NXPE2: variants seen among roughly 807,000 people sequenced by gnomAD.
NXPE2 encodes the protein neurexophilin and PC-esterase domain family member 2.
Under a neutral mutation model 34.4 loss-of-function variants are expected in NXPE2, and 34 were observed. The observed-to-expected ratio is 0.99, with a 90% CI of 0.75 to 1.31. The LOEUF is 1.31. Ranked by LOEUF, NXPE2 falls within the 40% of genes most tolerant of loss-of-function variation. NXPE2 has a pLI of 0.00. For synonymous variants in NXPE2, 235 were observed against 231.3 expected, an observed-to-expected ratio of 1.02 and a Z score of -0.15; for missense variants, 649 against 672.5, an observed-to-expected ratio of 0.97 and a Z score of 0.39.
the NXPE2 span, among the ~76,000 whole-genome samples, chr11:114,474,471 T>C: frequency 6.6e-6 from 1 of 152,296 alleles, no homozygotes; most frequent in African/African-American, 2.4e-5. Flanking sequence ...GGGTGGTGTT[T>C]AGAAGTCAGT....
chr11:114,535,824 A>G, the NXPE2 span, among the ~76,000 whole-genome samples: 1 of 152,152 alleles, frequency 6.6e-6, no homozygotes, highest in African/African-American at 2.4e-5. Context: ...CTCCGACACA[A>G]TAATAATGGG....
At chr11:114,776,217 C>T in the NXPE2 span, among the ~76,000 whole-genome samples, 1 of 152,216 alleles carries the variant, frequency 6.6e-6, no homozygotes, top group Non-Finnish European at 1.5e-5. Flanking sequence ...TCCAGCGGCC[C>T]CCGTGTCCGG....
the NXPE2 span, among the ~76,000 whole-genome samples, chr11:114,759,121 C>G: frequency 6.6e-6 from 1 of 152,158 alleles, no homozygotes; most frequent in Non-Finnish European, 1.5e-5. Flanking sequence ...CTCTCTGTCT[C>G]TTTCTCTCTC....
At position 114,698,706 on chromosome 11, in the gene NXPE2, C is replaced by G. The variant is rs981634171; in HGVS notation, c.794C>G (p.Ala265Gly). ...AGGCCTCAACATATGCCCTGTGAGG[C>G]CTTGACCCACATGACCACTAGGACA... is the stretch of plus-strand genomic sequence containing the variant. ...CVRPQHMPCE[A>G]LTHMTTRTRN... The change falls in exon 3 of 6, where the codon GCC becomes GGC. Residue 265 changes from alanine (A) to glycine (G), a missense_variant. Transcript: ENST00000389586. 1.2e-6 allele frequency: 2 copies of G among 1,613,520 alleles called. No individual in the cohort carries two copies. Among genetic ancestry groups the G allele is most frequent in the Non-Finnish European group, 1.7e-6 (2 of 1,179,698 alleles).
chr11:114,706,386 T>C lies in NXPE2; in HGVS notation c.1145-9T>C. On this transcript the variant is annotated splice_polypyrimidine_tract_variant and intron_variant, in intron 5 of 5. Transcript: ENST00000389586. Reference sequence around the variant, plus strand: ...TTGTTAAAATATTTATTGATTTGTCTTTCATCAGCCCTAAAATATTTTGAT... The same window carrying C: ...TTGTTAAAATATTTATTGATTTGTCCTTCATCAGCCCTAAAATATTTTGAT... The C allele has an allele frequency of 2.0e-6, 3 of 1,510,244 alleles. No homozygotes were observed. The highest frequency in any genetic ancestry group is 2.7e-6 in the Non-Finnish European group (3 of 1,129,868). The allele number at this position is 1,510,244 out of a possible 1,614,324, so 93.6% of individuals were successfully genotyped here.
chr11:114,796,369 T>C, the NXPE2 span, among the ~76,000 whole-genome samples: 3 of 152,276 alleles, frequency 2.0e-5, no homozygotes, highest in East Asian at 1.9e-4. Context: ...CAAATATCCA[T>C]GGGAGGAGTA....
At chr11:114,811,889 T>A in the NXPE2 span, among the ~76,000 whole-genome samples, 1 of 152,292 alleles carries the variant, frequency 6.6e-6, no homozygotes, top group Non-Finnish European at 1.5e-5. Flanking sequence ...AGTTTTCTCA[T>A]CTGTAAACTG....
intron 2 of NXPE2, among the ~76,000 whole-genome samples, chr11:114,696,432 A>T (rs1951258974): frequency 6.6e-6 from 1 of 152,068 alleles, no homozygotes; most frequent in African/African-American, 2.4e-5. Flanking sequence ...GGCTAAAAGT[A>T]AAATGACAAA....
chr11:114,571,545 A>G, the NXPE2 span: 1 of 1,289,276 alleles, frequency 7.8e-7, no homozygotes, highest in Non-Finnish European at 1.1e-6. Flanking sequence ...ATAAAGATGG[A>G]AGAGATTTGA....
At chr11:114,473,301 T>C in the NXPE2 span, among the ~76,000 whole-genome samples, 121 of 152,350 alleles carry the variant, frequency 7.9e-4, no homozygotes, top group South Asian at 1.9e-3. Flanking sequence ...CTTTGCAACA[T>C]GAAAGAGTGT....
the NXPE2 span, among the ~76,000 whole-genome samples, chr11:114,809,187 C>T: frequency 6.3e-4 from 96 of 151,950 alleles, no homozygotes; most frequent in African/African-American, 1.9e-3. Flanking sequence ...ATTGATGGGA[C>T]GTATCTCAAA....
the NXPE2 span, chr11:114,528,035 G>T: frequency 3.3e-6 from 2 of 600,394 alleles, no homozygotes; most frequent in Non-Finnish European, 5.7e-6. Flanking sequence ...GTAAATTTTA[G>T]ATATATTGGG....
the NXPE2 span, among the ~76,000 whole-genome samples, chr11:114,809,096 A>ATGAT: frequency 6.6e-6 from 1 of 152,292 alleles, no homozygotes; most frequent in South Asian, 2.1e-4. Flanking sequence ...CAAAAACCAC[A>ATGAT]TGATTATCTC....
At chr11:114,645,388 T>C in the NXPE2 span, among the ~76,000 whole-genome samples, 3 of 152,160 alleles carry the variant, frequency 2.0e-5, no homozygotes, top group East Asian at 1.9e-4. Flanking sequence ...TCCAGGTAGA[T>C]TAATCTGAAT....
the NXPE2 span, among the ~76,000 whole-genome samples, chr11:114,716,328 CATGTCATGAAAAA>C: frequency 6.6e-6 from 1 of 152,114 alleles, no homozygotes; most frequent in African/African-American, 2.4e-5. Context: ...GCCTCTTCTG[CATGTCATGAAAAA>C]AGGGATTCTG....
At chr11:114,612,640 G>A in the NXPE2 span, among the ~76,000 whole-genome samples, 7 of 151,810 alleles carry the variant, frequency 4.6e-5, no homozygotes, top group Admixed American at 6.6e-5. Context: ...GTATTGCCTC[G>A]TGGGTAACCA....
chr11:114,502,798 T>C, the NXPE2 span, among the ~76,000 whole-genome samples: 1 of 152,236 alleles, frequency 6.6e-6, no homozygotes, highest in Non-Finnish European at 1.5e-5. Flanking sequence ...GGACATTACC[T>C]ATGAAAAACC....
chr11:114,528,494 A>G, the NXPE2 span, among the ~76,000 whole-genome samples: 1 of 152,202 alleles, frequency 6.6e-6, no homozygotes, highest in African/African-American at 2.4e-5. Context: ...CTTTTCTGAC[A>G]AACTTGCTTT....
the NXPE2 span, among the ~76,000 whole-genome samples, chr11:114,635,400 T>C: frequency 2.0e-5 from 3 of 151,232 alleles, no homozygotes; most frequent in Non-Finnish European, 4.4e-5. Context: ...TACAATCATG[T>C]CGTCTGCAAA....
Sources: gnomAD v4.1 joint callset for allele counts (sites outside exome capture counted in the v4.1 genomes callset) on GRCh38, gnomAD v4.1.1 for gene constraint, MANE v1.5 for transcripts, NCBI Gene and HGNC (gene_info 2026-07-23, HGNC 2026-07-21) for gene names.